NTRK3: variants seen among roughly 807,000 people sequenced by gnomAD.
The protein encoded by NTRK3 is neurotrophic receptor tyrosine kinase 3.
A neutral mutation model predicts 91.7 loss-of-function variants in NTRK3; 24 were observed. The ratio of observed to expected loss-of-function variants is 0.26; its 90% CI spans 0.19 to 0.37. The LOEUF (loss-of-function observed/expected upper bound fraction) is 0.37, where lower values mean the gene tolerates loss of function less well. Ranked by LOEUF, NTRK3 falls within the 10% of genes least tolerant of loss-of-function variation. The probability of loss-of-function intolerance (pLI) is 1.00; values close to 1 mark genes in which losing one functional copy is unlikely to be tolerated. For synonymous variants in NTRK3, 483 were observed against 404.0 expected (o/e 1.20, Z -2.34); for missense variants, 880 against 1,068.9 (o/e 0.82, Z 2.46).
intron 13 of NTRK3, among the ~76,000 whole-genome samples, chr15:88,039,037 C>T (rs1030251283): frequency 4.0e-5 from 6 of 151,694 alleles, no homozygotes; most frequent in Admixed American, 1.3e-4. Flanking sequence ...ACTGTCTGGG[C>T]AGCTTTCTTC....
rs1456136944 is a variant in NTRK3 at position 88,235,825 on chromosome 15, T to G, written c.248+20081A>C. Among the ~76,000 whole-genome samples the G allele has an allele frequency of 6.6e-6, 1 of 152,198 alleles. No homozygotes were observed. Among genetic ancestry groups the G allele is most frequent in the African/African-American group, 2.4e-5 (1 of 41,448 alleles). On this transcript the variant is annotated intron_variant, in intron 3 of 18. Coordinates refer to ENST00000394480, the Ensembl canonical transcript of NTRK3. The surrounding 1 kb of genome is among the most constrained non-coding windows in gnomAD (Gnocchi z 5.2). ...CACAACAGGAACCCCCCTGGGGCTT[T>G]GAGTCAAACAGGATCCCAGCTCTGC...
At chr15:88,181,843 A>T (rs1003362136) in intron 5 of NTRK3, among the ~76,000 whole-genome samples, 1 of 152,148 alleles carries the variant, frequency 6.6e-6, no homozygotes, top group East Asian at 1.9e-4. Flanking sequence ...GGGACACGTG[A>T]CCCCACCTGG....
chr15:88,252,117 C>T (rs557682246), intron 3 of NTRK3, among the ~76,000 whole-genome samples: 1 of 152,252 alleles, frequency 6.6e-6, no homozygotes, highest in Non-Finnish European at 1.5e-5. Context: ...TGTAACTACT[C>T]CTGCTTCCAA....
intron 13 of NTRK3, among the ~76,000 whole-genome samples, chr15:88,112,224 T>C (rs2051488804): frequency 6.6e-6 from 1 of 152,212 alleles, no homozygotes; most frequent in Admixed American, 6.5e-5. Flanking sequence ...CTGTTTTATG[T>C]CCATTATTTC....
At chr15:88,101,271 C>T (rs1033868546) in intron 13 of NTRK3, among the ~76,000 whole-genome samples, 4 of 151,920 alleles carry the variant, frequency 2.6e-5, no homozygotes, top group African/African-American at 4.9e-5. Flanking sequence ...AAAAAATGCT[C>T]ATCATCACTG....
At chr15:87,882,523 A>G (rs1167750770) in intron 17 of NTRK3, among the ~76,000 whole-genome samples, 1 of 152,182 alleles carries the variant, frequency 6.6e-6, no homozygotes, top group South Asian at 2.1e-4. Context: ...AGAGACATAA[A>G]GTAAATAATA....
intron 13 of NTRK3, among the ~76,000 whole-genome samples, chr15:88,069,537 C>G (rs1390035374): frequency 6.6e-6 from 1 of 152,132 alleles, no homozygotes; most frequent in African/African-American, 2.4e-5. Context: ...ACCGGAACCT[C>G]CCGTGAAGAA....
At chr15:88,139,205 A>C (rs1391832466) in intron 6 of NTRK3, among the ~76,000 whole-genome samples, 1 of 152,190 alleles carries the variant, frequency 6.6e-6, no homozygotes, top group Non-Finnish European at 1.5e-5. Context: ...TTATGACTTG[A>C]AGCAAGTCAC....
intron 13 of NTRK3, among the ~76,000 whole-genome samples, chr15:88,083,347 G>A (rs749680981): frequency 1.3e-5 from 2 of 151,988 alleles, no homozygotes; most frequent in Non-Finnish European, 2.9e-5. Flanking sequence ...CAGCCTCTCT[G>A]GAGTAGCTGG....
rs1006277640 is a variant in NTRK3 at position 87,968,604 on chromosome 15, C to T, written c.1586-27851G>A. Among the ~76,000 whole-genome samples, 3 of 152,304 alleles carry T rather than the reference C, an allele frequency of 2.0e-5. No homozygotes were observed. In the South Asian group the frequency reaches 6.2e-4, roughly 32 times the overall value. On this transcript the variant is annotated intron_variant, in intron 14 of 18. Coordinates refer to ENST00000394480, the Ensembl canonical transcript of NTRK3. ...GCAACACCTCCTAAATACAATATTG[C>T]TTGTTTGGAGCTCTACTGATGATCT...
intron 14 of NTRK3, among the ~76,000 whole-genome samples, chr15:87,948,064 C>G (rs952642867): frequency 6.6e-6 from 1 of 152,130 alleles, no homozygotes; most frequent in African/African-American, 2.4e-5. Flanking sequence ...CACCTCACGC[C>G]TTCTATGAAT....
At chr15:87,991,387 A>G (rs2075277355) in intron 14 of NTRK3, among the ~76,000 whole-genome samples, 1 of 152,200 alleles carries the variant, frequency 6.6e-6, no homozygotes, top group Non-Finnish European at 1.5e-5. Flanking sequence ...TATGCAGAGT[A>G]AAATGTGGGA....
chr15:88,058,933 T>C (rs1427839779), intron 13 of NTRK3, among the ~76,000 whole-genome samples: 2 of 152,172 alleles, frequency 1.3e-5, no homozygotes, highest in African/African-American at 4.8e-5. Flanking sequence ...AATGTGGTAC[T>C]CTAGCTTCTT....
intron 5 of NTRK3, among the ~76,000 whole-genome samples, chr15:88,176,850 A>T (rs1275169824): frequency 6.6e-6 from 1 of 152,228 alleles, no homozygotes; most frequent in Non-Finnish European, 1.5e-5. Flanking sequence ...GCAGATGATC[A>T]ATAGTAATAA....
At chr15:88,156,579 C>T (rs192477542) in intron 5 of NTRK3, among the ~76,000 whole-genome samples, 35 of 152,250 alleles carry the variant, frequency 2.3e-4, no homozygotes, top group Non-Finnish European at 4.0e-4. Context: ...CTCCACACCA[C>T]CGCACCTTTC....
At chr15:88,198,643 TG>T (rs2048034209) in intron 3 of NTRK3, among the ~76,000 whole-genome samples, 1 of 152,230 alleles carries the variant, frequency 6.6e-6, no homozygotes, top group Non-Finnish European at 1.5e-5. Flanking sequence ...CAACAAAGTC[TG>T]CTGCATTCTA....
At chr15:87,899,962 T>A (rs1329364997) in intron 17 of NTRK3, among the ~76,000 whole-genome samples, 1 of 152,154 alleles carries the variant, frequency 6.6e-6, no homozygotes, top group Non-Finnish European at 1.5e-5. Context: ...CTTCATCCAA[T>A]GGAAAATGGG....
At chr15:88,186,321 A>G (rs979068227) in intron 3 of NTRK3, among the ~76,000 whole-genome samples, 3 of 152,204 alleles carry the variant, frequency 2.0e-5, no homozygotes, top group African/African-American at 7.2e-5. Context: ...AATCATTACC[A>G]TGTTCTCAAG....
intron 3 of NTRK3, among the ~76,000 whole-genome samples, chr15:88,190,533 C>A (rs186210438): frequency 4.1e-4 from 63 of 152,284 alleles, no homozygotes; most frequent in Non-Finnish European, 7.1e-4. Context: ...CAACGGTTAT[C>A]GCATCCATTT....
Sources: gnomAD v4.1 joint callset for allele counts (sites outside exome capture counted in the v4.1 genomes callset) on GRCh38, gnomAD v4.1.1 for gene constraint, Gnocchi (gnomAD v3.1) non-coding constraint, MANE v1.5 for transcripts, NCBI Gene and HGNC (gene_info 2026-07-23, HGNC 2026-07-21) for gene names.